Variants in DNAAF5 observed in about 807,000 individuals in gnomAD.
DNAAF5 encodes the protein dynein axonemal assembly factor 5.
A neutral mutation model predicts 75.8 loss-of-function variants in DNAAF5; 64 were observed. The ratio of observed to expected loss-of-function variants is 0.84; its 90% CI spans 0.69 to 1.04. The LOEUF (loss-of-function observed/expected upper bound fraction) is 1.04. Among genes scored for constraint, DNAAF5 ranks in the 50% least tolerant of loss-of-function variants. DNAAF5 has a pLI of 0.00. For synonymous variants in DNAAF5, 657 were observed against 557.2 expected (o/e 1.18, Z -2.52); for missense variants, 1,269 against 1,178.5 (o/e 1.08, Z -1.12).
chr7:741,493 C>CA (rs2128073101), intron 4 of DNAAF5, 28 bp downstream of exon 4: 1 of 1,382,524 alleles, frequency 7.2e-7, no homozygotes, highest in Non-Finnish European at 1.0e-6. Context: ...AGGGGAGCGC[C>CA]AGGAGGCGAG....
chr7:770,151 C>G (rs951986456), intron 8 of DNAAF5, among the ~76,000 whole-genome samples: 59 of 152,240 alleles, frequency 3.9e-4, no homozygotes, highest in African/African-American at 1.3e-3. Context: ...GGGGTTTCAC[C>G]ATGTTGACCA....
In DNAAF5 at chr7:763,916, TGACTG is replaced by T. The variant is rs772697053; in HGVS notation, c.1729_1733del (p.Trp577ArgfsTer169). 6.2e-7 allele frequency: 1 copy of T among 1,611,296 alleles called. No homozygotes were observed. Among genetic ancestry groups the T allele is most frequent in the Non-Finnish European group, 8.5e-7 (1 of 1,180,020 alleles). The stretch of plus-strand genomic sequence containing the variant: ...TGGAGCGGGTGACCGCGTCGCACCT[TGACTG>T]GACCGCACACTCGCCGGAGCTCCTG... On this transcript the variant is annotated frameshift_variant, in exon 8 of 13. Transcript: ENST00000297440. LOFTEE classifies it high-confidence loss of function.
At chr7:767,961 C>G (rs1778382802) in intron 8 of DNAAF5, among the ~76,000 whole-genome samples, 1 of 141,404 alleles carries the variant, frequency 7.1e-6, no homozygotes, top group South Asian at 2.3e-4. Flanking sequence ...GAAGTGTCCG[C>G]CAGCAGGAGC....
At chr7:743,121 C>T (rs1241320948) in intron 4 of DNAAF5, among the ~76,000 whole-genome samples, 4 of 152,154 alleles carry the variant, frequency 2.6e-5, no homozygotes, top group African/African-American at 7.2e-5. Context: ...CCCAACTACG[C>T]GGGGGGCCAG....
intron 4 of DNAAF5, chr7:751,094 T>C (rs889602083): frequency 2.0e-5 from 3 of 152,118 alleles, no homozygotes; most frequent in African/African-American, 7.2e-5. Context: ...AAGGTTGCAG[T>C]GAGCTGAGAT....
At position 752,184 on chromosome 7, in the gene DNAAF5, G is replaced by A. The variant is rs140550794; in HGVS notation, c.1025-2405G>A. Among the ~76,000 whole-genome samples, 519 of 152,374 alleles carry A rather than the reference G, an allele frequency of 3.4e-3. 7 individuals are homozygous for A. The highest frequency in any genetic ancestry group is 0.012 in the African/African-American group (501 of 41,584). On this transcript the variant is annotated intron_variant, in intron 4 of 12. Coordinates refer to ENST00000297440, the MANE Select transcript of DNAAF5 (RefSeq NM_017802.4). ...AATGGCATCTTTTAATAAGGATACT[G>A]TAAATGATAGGATCACTCATACACC...
chr7:755,723 G>A (rs62432241), intron 5 of DNAAF5, among the ~76,000 whole-genome samples: 135,128 of 152,236 alleles, frequency 0.89, 60,354 homozygotes, highest in East Asian at 1. Context: ...GGAATGAGAC[G>A]CTGTCTCAGA....
intron 2 of DNAAF5, among the ~76,000 whole-genome samples, chr7:739,092 ACGCCCTCTGCCC>A (rs1781823184): frequency 8.3e-6 from 1 of 120,532 alleles, no homozygotes; most frequent in Non-Finnish European, 1.7e-5. Context: ...TGTCTCAGCC[ACGCCCTCTGCCC>A]CATCACTGTA....
At chr7:776,759 C>T (rs1428334903) in intron 11 of DNAAF5, among the ~76,000 whole-genome samples, 1 of 152,226 alleles carries the variant, frequency 6.6e-6, no homozygotes, top group African/African-American at 2.4e-5. Context: ...AGCCTGCACA[C>T]AAACCCCTCA....
chr7:755,930 G>A (rs1165039158), intron 5 of DNAAF5, among the ~76,000 whole-genome samples: 1 of 152,298 alleles, frequency 6.6e-6, no homozygotes, highest in East Asian at 1.9e-4. Context: ...GGGATCCGCT[G>A]TGGAATCCCA....
chr7:753,895 CAT>C (rs1406874450), intron 4 of DNAAF5, among the ~76,000 whole-genome samples: 8 of 139,040 alleles, frequency 5.8e-5, no homozygotes, highest in Admixed American at 4.4e-4. Flanking sequence ...TCTCTCTCAT[CAT>C]ATGGCGATGG....
chr7:763,929 C>T lies in DNAAF5; in HGVS notation c.1738C>T (p.His580Tyr), dbSNP rs775095718. 1 of 1,609,502 alleles carries T rather than the reference C, an allele frequency of 6.2e-7. No individual in the cohort carries two copies. The highest frequency in any genetic ancestry group is 1.1e-5 in the South Asian group (1 of 91,088). The part of the protein sequence containing the change: ...VTASHLDWTA[H>Y]SPELLQFSVI... ...CGCGTCGCACCTTGACTGGACCGCA[C>T]ACTCGCCGGAGCTCCTGCAGTTCAG... The change falls in exon 8 of 13, where the codon CAC (histidine) becomes TAC (tyrosine). Residue 580 changes from histidine to tyrosine, a missense_variant. Transcript: ENST00000297440.
rs762800769 is a variant in DNAAF5 at position 740,848 on chromosome 7, C to T, written c.810C>T (p.Gly270=). The T allele has an allele frequency of 6.8e-6, 11 of 1,613,980 alleles. No homozygotes were observed. Among genetic ancestry groups the T allele is most frequent in the Non-Finnish European group, 8.5e-6 (10 of 1,180,034 alleles). The change falls in exon 3 of 13, where the codon GGC becomes GGT. Residue 270 remains glycine (G), a synonymous_variant. Coordinates refer to ENST00000297440, the MANE Select transcript of DNAAF5 (RefSeq NM_017802.4). ...GGCGGGCGGTGGCCTCCGTGGTGGG[C>T]GGCTGGCTGCTGTGTCTGCGTGACC... ...QVRRAVASVV[G]GWLLCLRDRY... is the part of the protein sequence containing the mutation.
intron 1 of DNAAF5, among the ~76,000 whole-genome samples, chr7:728,479 C>G (rs898828149): frequency 6.6e-6 from 1 of 152,104 alleles, no homozygotes; most frequent in Non-Finnish European, 1.5e-5. Flanking sequence ...AAGAGCTGGA[C>G]TTGGGGAAAT....
chr7:747,406 TG>T lies in DNAAF5; in HGVS notation c.1024+5943del, dbSNP rs1427201885. On this transcript the variant is annotated intron_variant, in intron 4 of 12. Coordinates refer to ENST00000297440, the MANE Select transcript of DNAAF5 (RefSeq NM_017802.4). ...AGTGTGTCCAGCTGGTGTGCAATGG[TG>T]GCACAGGGTGTTGGTGGGGTTTGCT... Among the ~76,000 whole-genome samples, 5 of 152,308 alleles carry T rather than the reference TG, an allele frequency of 3.3e-5. No homozygotes were observed. In the East Asian group the frequency reaches 7.7e-4, roughly 24 times the overall value.
chr7:729,436 G>A (rs1032384595), intron 1 of DNAAF5, among the ~76,000 whole-genome samples: 28 of 152,244 alleles, frequency 1.8e-4, no homozygotes, highest in African/African-American at 6.8e-4. Context: ...GGGTTGCACA[G>A]GTGTCATCAG....
chr7:752,912 G>C (rs1353209059), intron 4 of DNAAF5, among the ~76,000 whole-genome samples: 1 of 152,224 alleles, frequency 6.6e-6, no homozygotes, highest in Non-Finnish European at 1.5e-5. Flanking sequence ...AATTTGGAAA[G>C]ACCCTTTACC....
At chr7:744,094 C>G (rs1782007536) in intron 4 of DNAAF5, among the ~76,000 whole-genome samples, 1 of 152,036 alleles carries the variant, frequency 6.6e-6, no homozygotes, top group Non-Finnish European at 1.5e-5. Flanking sequence ...CCCCCCTCAC[C>G]TCACCCCACA....
Position 727,007 on chromosome 7 carries a change from C to G in DNAAF5, c.287C>G (p.Ala96Gly). Residue 96 changes from alanine (A) to glycine (G), a missense_variant, in exon 1 of 13, where the codon GCA becomes GGA. Coordinates refer to ENST00000297440, the MANE Select transcript of DNAAF5 (RefSeq NM_017802.4). ...CCCGCCGAGGGCTGCCGCGCGCTGG[C>G]AGTGCACCTGCTGGATCTGGGCCTG... ...SDPAEGCRAL[A>G]VHLLDLGLRR... The G allele has an allele frequency of 8.1e-7, 1 of 1,239,662 alleles. No individual in the cohort carries two copies. Among genetic ancestry groups the G allele is most frequent in the African/African-American group, 1.6e-5 (1 of 62,562 alleles). 76.8% of individuals were successfully genotyped at this position (1,239,662 alleles called of 1,614,324 possible).
Sources: allele counts gnomAD v4.1 joint callset (sites outside exome capture counted in the v4.1 genomes callset), GRCh38; gene constraint gnomAD v4.1.1; transcripts MANE v1.5; gene names NCBI Gene and HGNC (gene_info 2026-07-23, HGNC 2026-07-21).